ARHGEF2: variants seen among roughly 807,000 people sequenced by gnomAD.
The protein encoded by ARHGEF2 is Rho/Rac guanine nucleotide exchange factor 2.
ARHGEF2 carries 22 observed loss-of-function variants against 121.0 expected under a neutral mutation model. That is an observed-to-expected ratio of 0.18 (90% confidence interval 0.13 to 0.26). The LOEUF (loss-of-function observed/expected upper bound fraction) is 0.26. Among genes scored for constraint, ARHGEF2 ranks in the 10% least tolerant of loss-of-function variants. ARHGEF2 has a pLI of 1.00. For missense variants in ARHGEF2, 907 were observed against 1,336.0 expected (o/e 0.68, Z 5.01); for synonymous variants, 487 against 530.0 (o/e 0.92, Z 1.11).
chr1:155,953,442 C>T (rs1234238647), intron 14 of ARHGEF2, among the ~76,000 whole-genome samples: 1 of 152,116 alleles, frequency 6.6e-6, no homozygotes, highest in Non-Finnish European at 1.5e-5. Flanking sequence ...TACATGACTA[C>T]ATTCTGGCCA....
chr1:155,948,795 TC>T (rs1385944003), intron 21 of ARHGEF2, among the ~76,000 whole-genome samples: 1 of 152,062 alleles, frequency 6.6e-6, no homozygotes, highest in Non-Finnish European at 1.5e-5. Flanking sequence ...TAGAGTGAGA[TC>T]CTCTGTCTGG....
At position 155,978,162 on chromosome 1, in the gene ARHGEF2, G is replaced by C. The variant is rs1681659073; in HGVS notation, c.63+203C>G. 5 of 1,302,234 alleles carry C rather than the reference G, an allele frequency of 3.8e-6. No homozygotes were observed. In the East Asian group the frequency reaches 1.7e-4, roughly 44 times the overall value. 80.7% of individuals were successfully genotyped at this position (1,302,234 alleles called of 1,614,324 possible). A position where few individuals can be genotyped will look rare whatever the true frequency, so the allele number is the denominator to read the frequency against. ...CGCTCCGCTCCCTCCCGGGATCCCA[G>C]CACCGTCGCGTCTGCCGCTCCCCCC... is the stretch of plus-strand genomic sequence containing the variant. On this transcript the variant is annotated intron_variant, in intron 1 of 21. Coordinates refer to ENST00000361247, the MANE Select transcript of ARHGEF2 (RefSeq NM_001162383.2). The surrounding 1 kb of genome is among the most constrained non-coding windows in gnomAD (Gnocchi z 4.1).
chr1:155,964,185 T>C (rs1351181825), intron 7 of ARHGEF2, among the ~76,000 whole-genome samples: 1 of 124,974 alleles, frequency 8.0e-6, no homozygotes, highest in Non-Finnish European at 1.6e-5. Flanking sequence ...TATATATATA[T>C]ATATATATAT....
intron 11 of ARHGEF2, among the ~76,000 whole-genome samples, chr1:155,958,849 G>C (rs569163804): frequency 1.4e-5 from 2 of 143,998 alleles, no homozygotes; most frequent in East Asian, 4.1e-4. Context: ...AAAGTGCTGG[G>C]ATTACAGATA....
Position 155,978,181 on chromosome 1 carries a change from T to G in ARHGEF2, c.63+184A>C. The G allele has an allele frequency of 7.7e-7, 1 of 1,294,854 alleles. No homozygotes were observed. The highest frequency in any genetic ancestry group is 9.8e-7 in the Non-Finnish European group (1 of 1,015,988). The allele number at this position is 1,294,854 out of a possible 1,614,324, so 80.2% of individuals were successfully genotyped here. ...ATCCCAGCACCGTCGCGTCTGCCGC[T>G]CCCCCCACCCCTACCCACTCGCTCG... On this transcript the variant is annotated intron_variant, in intron 1 of 21. Coordinates refer to ENST00000361247, the MANE Select transcript of ARHGEF2 (RefSeq NM_001162383.2). The surrounding 1 kb of genome is among the most constrained non-coding windows in gnomAD (Gnocchi z 4.1).
At chr1:155,978,570 A>G (rs914408831), upstream of ARHGEF2, 31 of 1,271,068 alleles carry the variant, frequency 2.4e-5, no homozygotes, top group Non-Finnish European at 6.0e-6. This position sits in a 1 kb window ranked among gnomAD's most constrained non-coding sequence, Gnocchi z 4.1. Flanking sequence ...ACCCAGCACC[A>G]GTTCCTCAAA....
intron 1 of ARHGEF2, among the ~76,000 whole-genome samples, chr1:155,971,510 T>C (rs1027161888): frequency 2.8e-5 from 4 of 140,918 alleles, no homozygotes; most frequent in African/African-American, 1.0e-4. Context: ...ACCGGGGAGG[T>C]TGGAGGTTGT....
chr1:155,955,053 G>T, intron 13 of ARHGEF2, 84 bp from the exon 14 acceptor site: 4 of 1,125,060 alleles, frequency 3.6e-6, no homozygotes, highest in Non-Finnish European at 4.0e-6. Flanking sequence ...TCCCAAACAT[G>T]CCTTATGCTT....
At chr1:155,967,862 T>A (rs1679729958) in intron 2 of ARHGEF2, among the ~76,000 whole-genome samples, 1 of 152,076 alleles carries the variant, frequency 6.6e-6, no homozygotes, top group Non-Finnish European at 1.5e-5. Flanking sequence ...CTCTGCTAAC[T>A]CTTTCAGACA....
intron 21 of ARHGEF2, among the ~76,000 whole-genome samples, 178 bp from the exon 22 acceptor site, chr1:155,948,193 TC>T (rs1674702922): frequency 6.6e-6 from 1 of 152,226 alleles, no homozygotes; most frequent in African/African-American, 2.4e-5. Context: ...AAGCAAGGTA[TC>T]CATACCTAGG....
At chr1:155,978,580 A>C (rs1164401991), upstream of ARHGEF2, 34 of 1,237,006 alleles carry the variant, frequency 2.7e-5, no homozygotes, top group African/African-American at 1.4e-4. This position sits in a 1 kb window ranked among gnomAD's most constrained non-coding sequence, Gnocchi z 4.1. Context: ...AGTTCCTCAA[A>C]CCCGAGTCTC....
At position 155,966,864 on chromosome 1, in the gene ARHGEF2, G is replaced by A; in HGVS notation, c.232C>T (p.Arg78Cys). 1.2e-6 allele frequency: 2 copies of A among 1,613,772 alleles called. No individual in the cohort carries two copies. The highest frequency in any genetic ancestry group is 1.7e-6 in the Non-Finnish European group (2 of 1,179,920). ...CPTCNVTIHN[R>C]CKDTLANCTK... The stretch of plus-strand genomic sequence containing the variant: ...CAGTTGGCGAGGGTGTCTTTACAGC[G>A]GTTGTGGATAGTCACATTGCAGGCT... The change falls in exon 3 of 22, where the codon CGC becomes TGC. Residue 78 changes from arginine (R) to cysteine (C), a missense_variant. Physicochemically the swap from Arg to Cys is radical, Grantham distance 180. Coordinates refer to ENST00000361247, the MANE Select transcript of ARHGEF2 (RefSeq NM_001162383.2).
At chr1:155,966,720 G>A (rs1679453592) in intron 3 of ARHGEF2, 100 bp downstream of exon 3, 2 of 1,331,018 alleles carry the variant, frequency 1.5e-6, no homozygotes, top group East Asian at 2.3e-5. Context: ...GAGGAGGTGG[G>A]TGGTGAGAAA....
Position 155,978,367 on chromosome 1 carries a change from T to C in ARHGEF2, c.61A>G (p.Lys21Glu), listed in dbSNP as rs1681712473. 7.9e-6 allele frequency: 12 copies of C among 1,512,300 alleles called. No individual in the cohort carries two copies. The highest frequency in any genetic ancestry group is 2.0e-5 in the Admixed American group (1 of 49,278). 93.7% of individuals were successfully genotyped at this position (1,512,300 alleles called of 1,614,324 possible). ...AGGAGAGGGGTTTCCGAGCCCACCT[T>C]GCTCGCCAGCTCTCTGCTCCGGTCG... ...RIDRSRELAS[K>E]TREKEKMKEA... is the part of the protein sequence containing the mutation. The change falls in exon 1 of 22, where the codon AAG becomes GAG. Residue 21 changes from lysine to glutamate, a missense_variant and splice_region_variant. Around this residue, in one of 2 missense-constraint regions of ARHGEF2, gnomAD observed 475 missense variants for 776.5 expected, o/e 0.61. Transcript: ENST00000361247. The surrounding 1 kb of genome is among the most constrained non-coding windows in gnomAD (Gnocchi z 4.1).
intron 21 of ARHGEF2, among the ~76,000 whole-genome samples, chr1:155,949,669 C>T (rs944374713): frequency 3.3e-5 from 5 of 151,302 alleles, no homozygotes; most frequent in African/African-American, 1.2e-4. Context: ...GCGAGGTCAG[C>T]CGTTCAAGAC....
At chr1:155,971,394 A>G (rs923783563) in intron 1 of ARHGEF2, among the ~76,000 whole-genome samples, 6 of 151,796 alleles carry the variant, frequency 4.0e-5, no homozygotes, top group Admixed American at 2.0e-4. Context: ...CCTGACCAAC[A>G]TGGTGAAACC....
Position 155,947,941 on chromosome 1 carries a change from C to A in ARHGEF2, c.*1G>T. Reference sequence around the variant, plus strand: ...GCACGGGGCAGGGGGGAGGGGCCCCCTTAGCTCTCGGAGGCTACAGCCTCC... The same window carrying A: ...GCACGGGGCAGGGGGGAGGGGCCCCATTAGCTCTCGGAGGCTACAGCCTCC... On this transcript the variant is annotated 3_prime_UTR_variant, in exon 22 of 22. Transcript: ENST00000361247. 6.5e-7 allele frequency: 1 copy of A among 1,549,972 alleles called. No homozygotes were observed. The highest frequency in any genetic ancestry group is 8.7e-7 in the Non-Finnish European group (1 of 1,146,142).
Position 155,951,929 on chromosome 1 carries a change from G to A in ARHGEF2, c.2162C>T (p.Ser721Phe). ...SIELCRADSD[S>F]SQRDRNGNQL... ...CTCTTGAGGACCTACCCTCTGGCTA[G>A]AGTCTGAGTCAGCTCTGCAGAGTTC... The change falls in exon 17 of 22, where the codon TCT becomes TTT. Residue 721 changes from serine to phenylalanine, a missense_variant. Ser to Phe is a radical substitution (Grantham distance 155, BLOSUM62 -2). Around this residue, in one of 2 missense-constraint regions of ARHGEF2, gnomAD observed 432 missense variants for 559.5 expected, o/e 0.77. Transcript: ENST00000361247. The surrounding 1 kb of genome is among the most constrained non-coding windows in gnomAD (Gnocchi z 5.1). The A allele has an allele frequency of 1.2e-6, 2 of 1,614,086 alleles. No individual in the cohort carries two copies. Among genetic ancestry groups the A allele is most frequent in the Non-Finnish European group, 1.7e-6 (2 of 1,180,018 alleles).
At chr1:155,964,909 A>G (rs1572148742) in intron 7 of ARHGEF2, 79 bp downstream of exon 7, 4 of 1,425,266 alleles carry the variant, frequency 2.8e-6, no homozygotes, top group East Asian at 2.4e-5. Context: ...AAAAAAAAAA[A>G]GAAAAAGAAA....
Sources: allele counts gnomAD v4.1 joint callset (sites outside exome capture counted in the v4.1 genomes callset), GRCh38; gene constraint gnomAD v4.1.1; regional missense constraint gnomAD v4.1.1; non-coding constraint Gnocchi (gnomAD v3.1); transcripts MANE v1.5; gene names NCBI Gene and HGNC (gene_info 2026-07-23, HGNC 2026-07-21).